The following DISC1 variants were observed in gnomAD, a reference collection of about 807,000 sequenced individuals.
DISC1 encodes disrupted in schizophrenia 1 protein.
DISC1 carries 57 observed loss-of-function variants against 84.5 expected under a neutral mutation model. The observed-to-expected ratio is 0.67, with a 90% confidence interval of 0.55 to 0.84. DISC1 has a LOEUF of 0.84. DISC1 is among the 40% of genes least tolerant of loss of function. The pLI is 0.00. For synonymous variants in DISC1, 411 were observed against 415.2 expected (o/e 0.99, Z 0.12); for missense variants, 1,000 against 1,057.8 (o/e 0.95, Z 0.76).
chr1:231,642,719 T>C (rs1319989660), intron 1 of DISC1, among the ~76,000 whole-genome samples: 2 of 152,142 alleles, frequency 1.3e-5, no homozygotes, highest in Non-Finnish European at 2.9e-5. Flanking sequence ...GTGTGGATTT[T>C]GGTGTTTCTG....
chr1:231,964,785 T>G lies in DISC1; in HGVS notation c.2042+5897T>G, dbSNP rs180798727. On this transcript the variant is annotated intron_variant, in intron 10 of 12. Transcript: ENST00000439617. ...TTAACACCTGACACAGTGGTGCATC[T>G]TAGTGACTGCTTGATTAACATCTCA... Among the ~76,000 whole-genome samples, 402 of 152,366 alleles carry G rather than the reference T, an allele frequency of 2.6e-3. 3 individuals are homozygous for G. The highest frequency in any genetic ancestry group is 8.8e-3 in the African/African-American group (368 of 41,582).
intron 3 of DISC1, 86 bp downstream of exon 3, chr1:231,702,110 A>C: frequency 1.3e-6 from 2 of 1,523,136 alleles, no homozygotes; most frequent in Non-Finnish European, 8.8e-7. Context: ...TTTGAATCCC[A>C]AAAGAATTGT....
chr1:231,979,573 G>T (rs1453966657), intron 10 of DISC1, among the ~76,000 whole-genome samples: 1 of 150,198 alleles, frequency 6.7e-6, no homozygotes, highest in African/African-American at 2.4e-5. Context: ...GAAAATTTTG[G>T]TTCCAAATAT....
chr1:231,912,553 G>A (rs2089292688), intron 9 of DISC1, among the ~76,000 whole-genome samples: 1 of 152,188 alleles, frequency 6.6e-6, no homozygotes, highest in Admixed American at 6.5e-5. Flanking sequence ...CTTCGTCTCA[G>A]AGGGGCACCT....
intron 6 of DISC1, among the ~76,000 whole-genome samples, chr1:231,793,659 A>T (rs2738884): frequency 1.3e-5 from 2 of 152,088 alleles, no homozygotes; most frequent in Non-Finnish European, 2.9e-5. Context: ...CTCATAGTGC[A>T]GCCCAATTAT....
At chr1:231,722,270 T>C (rs999105410) in intron 3 of DISC1, among the ~76,000 whole-genome samples, 2 of 152,086 alleles carry the variant, frequency 1.3e-5, no homozygotes, top group East Asian at 3.8e-4. Flanking sequence ...TTCTTTTTCA[T>C]GTTTGATAGA....
intron 1 of DISC1, among the ~76,000 whole-genome samples, chr1:231,627,481 T>G (rs1037454185): frequency 1.3e-5 from 2 of 152,218 alleles, no homozygotes; most frequent in Non-Finnish European, 2.9e-5. Context: ...TAGGGGCTGC[T>G]CTGAAATCAG....
At chr1:231,751,104 T>G (rs1421213190) in intron 4 of DISC1, among the ~76,000 whole-genome samples, 1 of 152,250 alleles carries the variant, frequency 6.6e-6, no homozygotes, top group Non-Finnish European at 1.5e-5. Context: ...ATGGTTCTCC[T>G]CAATAGAGAG....
chr1:231,920,031 C>A (rs548366576), intron 9 of DISC1, among the ~76,000 whole-genome samples: 1 of 152,068 alleles, frequency 6.6e-6, no homozygotes, highest in Non-Finnish European at 1.5e-5. Context: ...GGGTGTCCCG[C>A]GCATCGTAAG....
intron 7 of DISC1, among the ~76,000 whole-genome samples, chr1:231,799,549 G>A (rs12029608): frequency 6.6e-6 from 1 of 151,448 alleles, no homozygotes; most frequent in Non-Finnish European, 1.5e-5. Context: ...TGCTATTTTG[G>A]GTGGGTAATC....
chr1:231,998,362 G>T (rs553463168), intron 10 of DISC1, among the ~76,000 whole-genome samples: 1 of 152,206 alleles, frequency 6.6e-6, no homozygotes, highest in East Asian at 1.9e-4. Flanking sequence ...ATTGAGAACC[G>T]CCCAGAAAAA....
At chr1:231,743,397 T>C (rs2073572203) in intron 3 of DISC1, among the ~76,000 whole-genome samples, 1 of 152,196 alleles carries the variant, frequency 6.6e-6, no homozygotes, top group Admixed American at 6.5e-5. Flanking sequence ...CAGCTAGAAG[T>C]GGCAGAGGTG....
At chr1:231,749,773 TGA>T (rs2074402185) in intron 3 of DISC1, among the ~76,000 whole-genome samples, 151 bp from the exon 4 acceptor site, 1 of 152,236 alleles carries the variant, frequency 6.6e-6, no homozygotes, top group African/African-American at 2.4e-5. Context: ...AAGTACCAAC[TGA>T]GAGATGAAAG....
At chr1:231,756,944 C>G (rs1243340459) in intron 4 of DISC1, among the ~76,000 whole-genome samples, 3 of 152,174 alleles carry the variant, frequency 2.0e-5, no homozygotes, top group Non-Finnish European at 4.4e-5. Context: ...AGTGTGCCAG[C>G]TACCCACTGC....
chr1:231,662,751 T>C (rs1418736522), intron 1 of DISC1, among the ~76,000 whole-genome samples: 2 of 152,286 alleles, frequency 1.3e-5, no homozygotes, highest in African/African-American at 4.8e-5. Flanking sequence ...GTTATAACTA[T>C]AGGATATTAT....
At chr1:231,847,876 C>G (rs2083575016) in intron 9 of DISC1, among the ~76,000 whole-genome samples, 1 of 152,106 alleles carries the variant, frequency 6.6e-6, no homozygotes, top group Admixed American at 6.6e-5. Context: ...ACCAATGTCC[C>G]CAGCACTGAA....
intron 9 of DISC1, among the ~76,000 whole-genome samples, chr1:231,819,494 G>C (rs745850656): frequency 2.0e-5 from 3 of 152,180 alleles, no homozygotes; most frequent in Non-Finnish European, 2.9e-5. Context: ...GAATCAAAGA[G>C]TATGTTCAGT....
At chr1:231,882,680 A>G (rs2086380996) in intron 9 of DISC1, among the ~76,000 whole-genome samples, 1 of 152,094 alleles carries the variant, frequency 6.6e-6, no homozygotes, top group Non-Finnish European at 1.5e-5. Flanking sequence ...TTAGGTCAGA[A>G]AGGTTTAATC....
chr1:231,887,522 T>C (rs553301212), intron 9 of DISC1, among the ~76,000 whole-genome samples: 19 of 152,378 alleles, frequency 1.2e-4, no homozygotes, highest in Admixed American at 2.6e-4. Context: ...TGAATCCTGG[T>C]ATATCCTTTA....
Sources: allele counts gnomAD v4.1 joint callset (sites outside exome capture counted in the v4.1 genomes callset), GRCh38; gene constraint gnomAD v4.1.1; transcripts MANE v1.5; gene names NCBI Gene and HGNC (gene_info 2026-07-23, HGNC 2026-07-21).